Variants in TXNRD2 observed in about 807,000 individuals in gnomAD.
TXNRD2 encodes the protein thioredoxin reductase 2, mitochondrial.
Under a neutral mutation model 70.8 loss-of-function variants are expected in TXNRD2, and 67 were observed. The observed-to-expected ratio is 0.95, with a 90% CI of 0.78 to 1.16. TXNRD2 has a LOEUF of 1.16. Among genes scored for constraint, TXNRD2 ranks in the 50% most tolerant of loss-of-function variants. The probability of loss-of-function intolerance (pLI) is 0.00; values close to 1 mark genes in which losing one functional copy is unlikely to be tolerated. For missense variants in TXNRD2, 644 were observed against 719.9 expected, an observed-to-expected ratio of 0.89 and a Z score of 1.21; for synonymous variants, 301 against 295.8, an observed-to-expected ratio of 1.02 and a Z score of -0.18.
chr22:19,907,207 G>A (rs1940079646), intron 8 of TXNRD2, among the ~76,000 whole-genome samples: 1 of 91,766 alleles, frequency 1.1e-5, no homozygotes, highest in African/African-American at 4.3e-5. Context: ...GCTCTCAGGA[G>A]AGTGTGGGCG....
In TXNRD2 at chr22:19,882,676, C is replaced by T. The variant is rs527662692; in HGVS notation, c.1086+649G>A. On this transcript the variant is annotated intron_variant, in intron 12 of 17. Coordinates refer to ENST00000400521, the MANE Select transcript of TXNRD2 (RefSeq NM_006440.5). ...CCAGAGCCACTTTCAGCAGCAGGTG[C>T]TGGACACATGCAGGACAGGCCGAGC... Among the ~76,000 whole-genome samples the T allele has an allele frequency of 3.9e-5, 6 of 152,362 alleles. No individual in the cohort carries two copies. The South Asian group carries it at 1.2e-3, about 32-fold the overall frequency.
chr22:19,888,556 G>A (rs1000871372), intron 11 of TXNRD2, among the ~76,000 whole-genome samples: 11 of 152,244 alleles, frequency 7.2e-5, no homozygotes, highest in Non-Finnish European at 1.6e-4. Flanking sequence ...AGAGGTAAGT[G>A]CCAGCAGGAG....
intron 5 of TXNRD2, chr22:19,916,333 C>CTTT (rs55971809): frequency 1.9e-5 from 3 of 159,874 alleles, no homozygotes; most frequent in South Asian, 1.6e-4. Context: ...GCTTTCTTTT[C>CTTT]TTTTTTTTTT....
At chr22:19,899,470 CA>C (rs1461640127) in intron 8 of TXNRD2, among the ~76,000 whole-genome samples, 3 of 152,232 alleles carry the variant, frequency 2.0e-5, no homozygotes, top group Admixed American at 2.0e-4. Flanking sequence ...ATCATCTGAG[CA>C]AAGCACTCTC....
intron 8 of TXNRD2, among the ~76,000 whole-genome samples, chr22:19,907,258 C>T (rs1193376817): frequency 2.2e-4 from 11 of 50,372 alleles, no homozygotes; most frequent in Admixed American, 3.4e-4. Flanking sequence ...GTGTGGGCGC[C>T]GTGGGTAGCA....
chr22:19,909,874 T>TCACACACACAACCACACACACCCTCCCCA (rs1295818653), intron 8 of TXNRD2, among the ~76,000 whole-genome samples: 1 of 40,586 alleles, frequency 2.5e-5, no homozygotes, highest in African/African-American at 8.5e-5. Context: ...CACACACCAC[T>TCACACACACAACCACACACACCCTCCCCA]CACACACACC....
intron 2 of TXNRD2, among the ~76,000 whole-genome samples, chr22:19,921,769 G>A (rs1443749704): frequency 5.3e-5 from 8 of 152,172 alleles, no homozygotes; most frequent in African/African-American, 1.9e-4. Flanking sequence ...TCTGATCGGC[G>A]CATGTGTCTT....
chr22:19,893,302 C>T (rs1049532963), intron 11 of TXNRD2, among the ~76,000 whole-genome samples: 5 of 152,186 alleles, frequency 3.3e-5, no homozygotes, highest in South Asian at 2.1e-4. Context: ...AGAAAGGCCT[C>T]GGAGAACTAA....
chr22:19,927,403 C>T (rs1382119707), intron 2 of TXNRD2, among the ~76,000 whole-genome samples: 1 of 151,956 alleles, frequency 6.6e-6, no homozygotes, highest in Non-Finnish European at 1.5e-5. Flanking sequence ...GCCTGTAATC[C>T]AGCACTTTGG....
intron 2 of TXNRD2, among the ~76,000 whole-genome samples, chr22:19,920,500 T>C (rs1978055): frequency 0.41 from 61,791 of 151,764 alleles, 13,873 homozygotes; most frequent in African/African-American, 0.58. Context: ...AGAGAATCGT[T>C]TGAGCCCAAG....
At chr22:19,917,999 G>T in intron 5 of TXNRD2, 144 bp downstream of exon 5, 1 of 721,522 alleles carries the variant, frequency 1.4e-6, no homozygotes, top group Non-Finnish European at 2.5e-6. Context: ...TCTGCTCCTT[G>T]TCCTCATCCC....
intron 11 of TXNRD2, among the ~76,000 whole-genome samples, chr22:19,886,944 G>A (rs1463770204): frequency 6.6e-6 from 1 of 152,198 alleles, no homozygotes; most frequent in Non-Finnish European, 1.5e-5. Flanking sequence ...CAAAGGAAGG[G>A]CGGCCAGCTG....
At chr22:19,899,400 AG>A (rs1191220618) in intron 8 of TXNRD2, among the ~76,000 whole-genome samples, 7 of 152,226 alleles carry the variant, frequency 4.6e-5, no homozygotes, top group African/African-American at 1.7e-4. Flanking sequence ...CTCCTGGGCT[AG>A]GGTGGAAGCT....
At chr22:19,914,249 G>A (rs1252531428) in intron 7 of TXNRD2, among the ~76,000 whole-genome samples, 1 of 152,226 alleles carries the variant, frequency 6.6e-6, no homozygotes, top group Admixed American at 6.5e-5. Flanking sequence ...GCTCCTAAGT[G>A]TAACCCAAGA....
intron 14 of TXNRD2, 56 bp downstream of exon 14, chr22:19,880,123 T>C: frequency 6.4e-7 from 1 of 1,570,772 alleles, no homozygotes. Context: ...GCCCAGAGCA[T>C]GGGGTGAGGT....
rs756143036 is a variant in TXNRD2 at position 19,918,125 on chromosome 22, C to T, written c.449+18G>A. On this transcript the variant is annotated intron_variant, in intron 5 of 17. Coordinates refer to ENST00000400521, the MANE Select transcript of TXNRD2 (RefSeq NM_006440.5). ...GAAGGCCCAGAGGGCGGCCCATTCC[C>T]GGAGAGAGCTTCAGTACCTGTCCTG... 2.1e-5 allele frequency: 34 copies of T among 1,613,236 alleles called. No homozygotes were observed. Among genetic ancestry groups the T allele is most frequent in the Non-Finnish European group, 2.5e-5 (29 of 1,179,392 alleles).
chr22:19,895,935 T>A (rs1939486141), intron 10 of TXNRD2, among the ~76,000 whole-genome samples: 1 of 152,212 alleles, frequency 6.6e-6, no homozygotes, highest in Non-Finnish European at 1.5e-5. Flanking sequence ...AGTTTGAGGC[T>A]GCAATGAACT....
chr22:19,930,193 G>T (rs917007462), intron 2 of TXNRD2, among the ~76,000 whole-genome samples: 1 of 152,134 alleles, frequency 6.6e-6, no homozygotes, highest in African/African-American at 2.4e-5. Flanking sequence ...CAAGAGTAGT[G>T]GATTTCTTTT....
chr22:19,918,749 C>T (rs2146045625), intron 4 of TXNRD2, 111 bp downstream of exon 4: 3 of 1,368,978 alleles, frequency 2.2e-6, no homozygotes, highest in East Asian at 2.3e-5. Context: ...GGCTGAGAAA[C>T]CCATCCTACG....
Sources: allele counts gnomAD v4.1 joint callset (sites outside exome capture counted in the v4.1 genomes callset), GRCh38; gene constraint gnomAD v4.1.1; transcripts MANE v1.5; gene names NCBI Gene and HGNC (gene_info 2026-07-23, HGNC 2026-07-21).